The following ACACA variants were observed in gnomAD, a reference collection of about 807,000 sequenced individuals.
ACACA encodes the protein acetyl-CoA carboxylase alpha.
A neutral mutation model predicts 296.1 loss-of-function variants in ACACA; 103 were observed. The ratio of observed to expected loss-of-function variants is 0.35; its 90% CI spans 0.30 to 0.41. The LOEUF (loss-of-function observed/expected upper bound fraction) is 0.41, where lower values mean the gene tolerates loss of function less well. ACACA is among the 10% of genes least tolerant of loss of function. ACACA has a pLI of 1.00. For missense variants in ACACA, 1,554 were observed against 2,989.7 expected, an observed-to-expected ratio of 0.52 and a Z score of 11.20; for synonymous variants, 953 against 1,038.6, an observed-to-expected ratio of 0.92 and a Z score of 1.58.
At chr17:37,142,002 G>T (rs12941070) in intron 45 of ACACA, among the ~76,000 whole-genome samples, 28 of 139,800 alleles carry the variant, frequency 2.0e-4, no homozygotes, top group African/African-American at 3.1e-4. Flanking sequence ...AGTTTTTTTT[G>T]TTTTTTTTTG....
intron 1 of ACACA, chr17:37,388,873 G>A: frequency 1.3e-6 from 2 of 1,534,148 alleles, no homozygotes; most frequent in South Asian, 1.2e-5. Context: ...TTGGCATAAG[G>A]AGAAAAGCAT....
chr17:37,288,898 C>T (rs1016951376), intron 3 of ACACA, among the ~76,000 whole-genome samples: 3 of 150,244 alleles, frequency 2.0e-5, no homozygotes, highest in African/African-American at 4.9e-5. Context: ...ATCCTGCCCC[C>T]GCTCCACCAA....
intron 35 of ACACA, among the ~76,000 whole-genome samples, chr17:37,195,856 C>G (rs1303534725): frequency 6.6e-6 from 1 of 152,100 alleles, no homozygotes; most frequent in Non-Finnish European, 1.5e-5. Context: ...AATGTATTTG[C>G]TTTCCAAGTA....
At chr17:37,299,241 G>GAT (rs766496357) in intron 3 of ACACA, 15 of 1,592,944 alleles carry the variant, frequency 9.4e-6, no homozygotes, top group Middle Eastern at 1.7e-4. Flanking sequence ...TTTTTTTAAA[G>GAT]ATATATATAT....
At position 37,175,543 on chromosome 17, in the gene ACACA, A is replaced by T. The variant is rs60140236; in HGVS notation, c.5079+3717T>A. ...TATCCAGGCTCAACAGCACACATTC[A>T]TCTAGCTGTGTATTTACATACAGTG... On this transcript the variant is annotated intron_variant, in intron 41 of 55. Transcript: ENST00000616317. Among the ~76,000 whole-genome samples the T allele has an allele frequency of 3.6e-3, 551 of 152,336 alleles. 3 individuals are homozygous for T. Among genetic ancestry groups the T allele is most frequent in the African/African-American group, 0.013 (528 of 41,574 alleles).
chr17:37,319,223 T>G (rs1224380880), intron 3 of ACACA, among the ~76,000 whole-genome samples: 1 of 152,148 alleles, frequency 6.6e-6, no homozygotes, highest in African/African-American at 2.4e-5. Context: ...GATTGGATAC[T>G]TGCATGAAGG....
chr17:37,108,823 T>C (rs1488206529), intron 52 of ACACA, among the ~76,000 whole-genome samples: 1 of 152,160 alleles, frequency 6.6e-6, no homozygotes, highest in Non-Finnish European at 1.5e-5. Context: ...ACAGGCTTTC[T>C]CCTAAATCAG....
At position 37,186,896 on chromosome 17, in the gene ACACA, GA is replaced by G. The variant is rs796067755; in HGVS notation, c.4776+1380del. ...CTCAGAGTTTCCTAATAAAGGAAAGGAAAAAAAAAAAAAGAAAGAAAGTAGT... is the reference window on the plus strand; with the variant it reads ...CTCAGAGTTTCCTAATAAAGGAAAGGAAAAAAAAAAAAGAAAGAAAGTAGT... On this transcript the variant is annotated intron_variant, in intron 39 of 55. Coordinates refer to ENST00000616317, the MANE Select transcript of ACACA (RefSeq NM_198834.3). Among the ~76,000 whole-genome samples the G allele has an allele frequency of 8.3e-3, 1,033 of 123,734 alleles. 3 individuals are homozygous for G. Among genetic ancestry groups the G allele is most frequent in the South Asian group, 0.038 (151 of 3,928 alleles). 81.2% of individuals were successfully genotyped at this position (123,734 alleles called of 152,430 possible).
At chr17:37,111,432 G>T in intron 52 of ACACA, 99 bp downstream of exon 52, 2 of 874,476 alleles carry the variant, frequency 2.3e-6, no homozygotes, top group South Asian at 1.3e-5. Flanking sequence ...TCATGAATTT[G>T]ATCAAATGCT....
intron 41 of ACACA, among the ~76,000 whole-genome samples, chr17:37,177,178 A>T (rs749837161): frequency 6.6e-6 from 1 of 152,014 alleles, no homozygotes; most frequent in Non-Finnish European, 1.5e-5. Context: ...TCATAGCTAT[A>T]GTCCTATGCA....
chr17:37,280,869 C>A (rs1419302380), intron 5 of ACACA, among the ~76,000 whole-genome samples: 1 of 151,932 alleles, frequency 6.6e-6, no homozygotes, highest in Non-Finnish European at 1.5e-5. Flanking sequence ...AAACAAGGTC[C>A]CCCTTGGCAA....
intron 16 of ACACA, among the ~76,000 whole-genome samples, chr17:37,250,662 G>A (rs1014367682): frequency 3.3e-5 from 5 of 151,228 alleles, no homozygotes; most frequent in African/African-American, 4.9e-5. Flanking sequence ...GATTAAACGC[G>A]AAAAAATTAT....
intron 45 of ACACA, among the ~76,000 whole-genome samples, chr17:37,136,234 C>A (rs1392013185): frequency 2.6e-5 from 4 of 152,050 alleles, no homozygotes; most frequent in African/African-American, 9.7e-5. Flanking sequence ...CTCCCTCCAC[C>A]CCTAACAACC....
At chr17:37,136,797 C>T (rs1469848018) in intron 45 of ACACA, among the ~76,000 whole-genome samples, 1 of 151,900 alleles carries the variant, frequency 6.6e-6, no homozygotes, top group Non-Finnish European at 1.5e-5. Context: ...AAAAATTAGC[C>T]GGGGCGTGGT....
At chr17:37,284,705 G>T in intron 4 of ACACA, 133 bp downstream of exon 4, 1 of 1,165,624 alleles carries the variant, frequency 8.6e-7, no homozygotes, top group Non-Finnish European at 1.3e-6. Flanking sequence ...AGGCAGAAAG[G>T]CTAAAATTCA....
At chr17:37,314,960 T>C (rs1184828048) in intron 3 of ACACA, among the ~76,000 whole-genome samples, 2 of 139,308 alleles carry the variant, frequency 1.4e-5, no homozygotes, top group Non-Finnish European at 3.1e-5. Flanking sequence ...CTTTTTTTTT[T>C]TTTTTTTTTT....
chr17:37,093,654 C>G (rs1225927925), intron 54 of ACACA, among the ~76,000 whole-genome samples: 1 of 152,122 alleles, frequency 6.6e-6, no homozygotes, highest in Non-Finnish European at 1.5e-5. Context: ...TGTGCCACGA[C>G]ACCGAGCAAA....
chr17:37,396,550 C>T (rs2051088051), intron 1 of ACACA, among the ~76,000 whole-genome samples: 1 of 152,010 alleles, frequency 6.6e-6, no homozygotes, highest in East Asian at 1.9e-4. Flanking sequence ...GTGGTACTGG[C>T]CTTAACCATT....
chr17:37,291,020 T>C (rs2083026902), intron 3 of ACACA, among the ~76,000 whole-genome samples: 1 of 145,016 alleles, frequency 6.9e-6, no homozygotes, highest in Non-Finnish European at 1.5e-5. Flanking sequence ...AGGTAGAGGT[T>C]GCAGTGAGCC....
Sources: gnomAD v4.1 joint callset for allele counts (sites outside exome capture counted in the v4.1 genomes callset) on GRCh38, gnomAD v4.1.1 for gene constraint, MANE v1.5 for transcripts, NCBI Gene and HGNC (gene_info 2026-07-23, HGNC 2026-07-21) for gene names.